FCN2: variants seen among roughly 807,000 people sequenced by gnomAD.
FCN2 encodes the protein ficolin-2.
FCN2 carries 31 observed loss-of-function variants against 32.5 expected under a neutral mutation model. That is an observed-to-expected ratio of 0.96 (90% CI 0.72 to 1.29). FCN2 has a LOEUF of 1.29. Among genes scored for constraint, FCN2 ranks in the 50% most tolerant of loss-of-function variants. FCN2 has a pLI of 0.00. For synonymous variants in FCN2, 181 were observed against 164.5 expected, an observed-to-expected ratio of 1.10 and a Z score of -0.77; for missense variants, 412 against 406.5, an observed-to-expected ratio of 1.01 and a Z score of -0.12.
chr9:134,872,198 T>G, the FCN2 span, among the ~76,000 whole-genome samples: 1 of 151,184 alleles, frequency 6.6e-6, no homozygotes, highest in South Asian at 2.1e-4. Context: ...GTACCCCGTG[T>G]GTGGATGGAC....
chr9:134,865,013 G>T, the FCN2 span, among the ~76,000 whole-genome samples: 7 of 152,350 alleles, frequency 4.6e-5, no homozygotes, highest in Middle Eastern at 0.01. Flanking sequence ...GGCAGTGGGC[G>T]TACAGGGCGC....
chr9:134,869,151 C>T, the FCN2 span, among the ~76,000 whole-genome samples: 4 of 152,232 alleles, frequency 2.6e-5, no homozygotes, highest in Non-Finnish European at 2.9e-5. Context: ...GCCCCCGTGC[C>T]GGGGCTTCCT....
intron 4 of FCN2, 86 bp downstream of exon 4, chr9:134,884,858 G>A: frequency 8.2e-7 from 1 of 1,226,240 alleles, no homozygotes. Flanking sequence ...TTGCCAGAAT[G>A]AAGTGACAAA....
At chr9:134,876,885 G>GTCA (rs11399243), upstream of FCN2, among the ~76,000 whole-genome samples, 36,363 of 152,088 alleles carry the variant, frequency 0.24, 4,602 homozygotes, top group Middle Eastern at 0.31. Flanking sequence ...TTTGACTTAG[G>GTCA]TATTTCTTGA....
At chr9:134,882,413 C>G in intron 1 of FCN2, 113 bp from the exon 2 acceptor site, 1 of 896,748 alleles carries the variant, frequency 1.1e-6, no homozygotes, top group South Asian at 1.4e-5. Flanking sequence ...GCCATCTGCC[C>G]AGTCCTGATG....
At chr9:134,865,928 C>A in the FCN2 span, among the ~76,000 whole-genome samples, 1 of 151,620 alleles carries the variant, frequency 6.6e-6, no homozygotes. Context: ...ATCCAACTTA[C>A]AAGGGATGTG....
rs559011646 is a variant in FCN2 at position 134,885,845 on chromosome 9, G to A, written c.507G>A (p.Arg169=). 3.1e-6 allele frequency: 5 copies of A among 1,613,944 alleles called. No individual in the cohort carries two copies. The African/African-American group carries it at 5.3e-5, about 17-fold the overall frequency. ...WATYKQGFGS[R]LGEFWLGNDN... ...CGTACAAGCAGGGCTTCGGCAGTCGGCTGGGGGAGTTCTGGCTGGGGAATG... is the reference window on the plus strand; with the variant it reads ...CGTACAAGCAGGGCTTCGGCAGTCGACTGGGGGAGTTCTGGCTGGGGAATG... Residue 169 remains arginine (R), a synonymous_variant, in exon 6 of 8, where the codon CGG becomes CGA. Transcript: ENST00000291744.
the FCN2 span, among the ~76,000 whole-genome samples, chr9:134,867,495 T>G: frequency 6.4e-5 from 4 of 62,080 alleles, no homozygotes; most frequent in African/African-American, 1.4e-4. Flanking sequence ...TGTGGTGGGG[T>G]GGGGGGAGGG....
the FCN2 span, among the ~76,000 whole-genome samples, chr9:134,872,779 G>A: frequency 6.6e-6 from 1 of 152,156 alleles, no homozygotes; most frequent in Non-Finnish European, 1.5e-5. Flanking sequence ...TGGGAATTAT[G>A]GGAGCTACAA....
upstream of FCN2, chr9:134,880,759 G>A (rs1830649994): frequency 2.3e-6 from 3 of 1,314,316 alleles, no homozygotes; most frequent in Admixed American, 3.5e-5. Context: ...TGGAGTCTGA[G>A]GGAGGCTGGC....
At chr9:134,873,944 T>C in the FCN2 span, among the ~76,000 whole-genome samples, 2 of 149,272 alleles carry the variant, frequency 1.3e-5, no homozygotes, top group East Asian at 4.0e-4. Flanking sequence ...AGGATCTTGC[T>C]CTGTCACCCA....
chr9:134,886,534 G>T lies in FCN2; in HGVS notation c.664G>T (p.Val222Phe), dbSNP rs1310543228. 6.2e-7 allele frequency: 1 copy of T among 1,614,174 alleles called. No homozygotes were observed. The highest frequency in any genetic ancestry group is 2.2e-5 in the East Asian group (1 of 44,864). ...CGACGAGGCGGAGAAGTACAATCTG[G>T]TCCTGGGGGCCTTCGTGGAGGGCAG... The part of the protein sequence containing the change: ...VADEAEKYNL[V>F]LGAFVEGSAG... Residue 222 changes from valine (V) to phenylalanine (F), a missense_variant, in exon 7 of 8, where the codon GTC becomes TTC. Physicochemically the swap from Val to Phe is conservative, Grantham distance 50. Transcript: ENST00000291744.
Position 134,887,186 on chromosome 9 carries a change from A to G in FCN2, c.713A>G (p.His238Arg), listed in dbSNP as rs371307695. The G allele has an allele frequency of 1.2e-6, 2 of 1,614,046 alleles. No homozygotes were observed. Among genetic ancestry groups the G allele is most frequent in the Middle Eastern group, 1.6e-4 (1 of 6,082 alleles). Reference protein sequence around the residue: ...EGSAGDSLTFHNNQSFSTKDQ... With the variant: ...EGSAGDSLTFRNNQSFSTKDQ... Reference sequence around the variant, plus strand: ...TGCACAGGAGATTCCCTGACGTTCCACAACAACCAGTCCTTCTCCACCAAA... The same window carrying G: ...TGCACAGGAGATTCCCTGACGTTCCGCAACAACCAGTCCTTCTCCACCAAA... The change falls in exon 8 of 8, where the codon CAC becomes CGC. Residue 238 changes from histidine to arginine, a missense_variant. Physicochemically the swap from His to Arg is conservative, Grantham distance 29. Transcript: ENST00000291744.
At chr9:134,887,041 T>G (rs7872508) in intron 7 of FCN2, 127 bp from the exon 8 acceptor site, 127,269 of 1,079,162 alleles carry the variant, frequency 0.12, 8,106 homozygotes, top group African/African-American at 0.2. Flanking sequence ...ACTTCTTGGA[T>G]TGTGCAGTGC....
At chr9:134,885,193 GC>G in intron 4 of FCN2, 45 bp from the exon 5 acceptor site, 1 of 1,613,224 alleles carries the variant, frequency 6.2e-7, no homozygotes, top group Non-Finnish European at 8.5e-7. Flanking sequence ...CCTGTGCCCT[GC>G]CCAGGGCTCC....
intron 2 of FCN2, among the ~76,000 whole-genome samples, 169 bp downstream of exon 2, chr9:134,882,808 A>G (rs1178539178): frequency 6.6e-6 from 1 of 152,138 alleles, no homozygotes; most frequent in Admixed American, 6.5e-5. Context: ...ACATGGAGGG[A>G]GCGTCTTTCT....
At chr9:134,867,640 TA>T in the FCN2 span, among the ~76,000 whole-genome samples, 689 of 113,048 alleles carry the variant, frequency 6.1e-3, 3 homozygotes, top group Middle Eastern at 0.022. Context: ...TAAACTATAA[TA>T]AAAAAAAAAT....
chr9:134,874,320 A>G, the FCN2 span, among the ~76,000 whole-genome samples: 8 of 152,184 alleles, frequency 5.3e-5, no homozygotes, highest in African/African-American at 1.7e-4. Context: ...CCTAATTCCA[A>G]TGTTTTCTTC....
upstream of FCN2, among the ~76,000 whole-genome samples, chr9:134,876,252 C>A (rs12342269): frequency 8.3e-3 from 1,268 of 152,188 alleles, 21 homozygotes; most frequent in African/African-American, 0.029. Flanking sequence ...TGATTTTTAT[C>A]TACTTTTGCT....
Sources: gnomAD v4.1 joint callset for allele counts (sites outside exome capture counted in the v4.1 genomes callset) on GRCh38, gnomAD v4.1.1 for gene constraint, MANE v1.5 for transcripts, NCBI Gene and HGNC (gene_info 2026-07-23, HGNC 2026-07-21) for gene names.